Variants in PRSS22 observed in about 807,000 individuals in gnomAD.
PRSS22 encodes serine protease 22, also known as brain-specific serine protease 4.
PRSS22 carries 26 observed loss-of-function variants against 28.0 expected under a neutral mutation model. That is an observed-to-expected ratio of 0.93 (90% CI 0.68 to 1.29). The LOEUF (loss-of-function observed/expected upper bound fraction) is 1.29. PRSS22 is among the 50% of genes most tolerant of loss of function. The pLI is 0.00. For synonymous variants in PRSS22, 217 were observed against 177.9 expected (o/e 1.22, Z -1.75); for missense variants, 444 against 422.1 (o/e 1.05, Z -0.46).
In PRSS22 at chr16:2,856,105, G is replaced by C; in HGVS notation, c.258C>G (p.Ile86Met). ...ACTCCTTGAAACAGTGGGCAGCAGT[G>C]ATCACCCAGCGGCTGGTGAGCAGAG... Reference protein sequence around the residue: ...AGSLLTSRWVITAAHCFKDNL... With the variant: ...AGSLLTSRWVMTAAHCFKDNL... The change falls in exon 3 of 6, where the codon ATC becomes ATG. Residue 86 changes from isoleucine (I) to methionine (M), a missense_variant. Transcript: ENST00000161006. 6.2e-7 allele frequency: 1 copy of C among 1,613,920 alleles called. No homozygotes were observed. Among genetic ancestry groups the C allele is most frequent in the Non-Finnish European group, 8.5e-7 (1 of 1,179,948 alleles).
In PRSS22 at chr16:2,853,048, G is replaced by GCCCC; in HGVS notation, c.*44_*45insGGGG. 1 of 1,329,562 alleles carries GCCCC rather than the reference G, an allele frequency of 7.5e-7. No homozygotes were observed. The highest frequency in any genetic ancestry group is 1.0e-6 in the Non-Finnish European group (1 of 979,726). The allele number at this position is 1,329,562 out of a possible 1,614,324, so 82.4% of individuals were successfully genotyped here. A position where few individuals can be genotyped will look rare whatever the true frequency, so the allele number is the denominator to read the frequency against. On this transcript the variant is annotated 3_prime_UTR_variant, in exon 6 of 6. Transcript: ENST00000161006. This position sits in a 1 kb window ranked among gnomAD's most constrained non-coding sequence, Gnocchi z 4.6. ...CCGCCGCAGATCCAGATCCAGATGT[G>GCCCC]GATCTGGCCGCCTTTCAGATCCGAG...
At position 2,852,882 on chromosome 16, in the gene PRSS22, T is replaced by C. The variant is rs1178831006; in HGVS notation, c.*211A>G. On this transcript the variant is annotated 3_prime_UTR_variant, in exon 6 of 6. Transcript: ENST00000161006. Reference sequence around the variant, plus strand: ...CGTGGGGGCGGGGACATGAGGCCGTTGGGCGGGGCCTGATGCCTTGGAGGC... The same window carrying C: ...CGTGGGGGCGGGGACATGAGGCCGTCGGGCGGGGCCTGATGCCTTGGAGGC... The C allele has an allele frequency of 8.6e-6, 4 of 464,834 alleles. No individual in the cohort carries two copies. The highest frequency in any genetic ancestry group is 1.4e-5 in the Non-Finnish European group (4 of 280,184). The allele number at this position is 464,834 out of a possible 1,614,324, so 28.8% of individuals were successfully genotyped here.
chr16:2,856,103 G>C lies in PRSS22; in HGVS notation c.260C>G (p.Thr87Ser). ...GSLLTSRWVI[T>S]AAHCFKDNLN... ...ATACTCCTTGAAACAGTGGGCAGCA[G>C]TGATCACCCAGCGGCTGGTGAGCAG... Residue 87 changes from threonine (T) to serine (S), a missense_variant, in exon 3 of 6, where the codon ACT becomes AGT. Transcript: ENST00000161006. 1 of 1,613,986 alleles carries C rather than the reference G, an allele frequency of 6.2e-7. No individual in the cohort carries two copies. The highest frequency in any genetic ancestry group is 8.5e-7 in the Non-Finnish European group (1 of 1,179,956).
Position 2,853,372 on chromosome 16 carries a change from G to T in PRSS22, c.718-43C>A, listed in dbSNP as rs183347636. On this transcript the variant is annotated intron_variant, in intron 5 of 5. Transcript: ENST00000161006. This position sits in a 1 kb window ranked among gnomAD's most constrained non-coding sequence, Gnocchi z 4.6. Reference sequence around the variant, plus strand: ...GGTTAGGAACCCCCGTGGCACAGGGGGTGGCAGAATCCAGGGCCCGTGCCC... The same window carrying T: ...GGTTAGGAACCCCCGTGGCACAGGGTGTGGCAGAATCCAGGGCCCGTGCCC... 3,623 of 1,522,092 alleles carry T rather than the reference G, an allele frequency of 2.4e-3. 12 individuals carry two copies. Among genetic ancestry groups the T allele is most frequent in the Non-Finnish European group, 2.9e-3 (3,224 of 1,123,512 alleles). 94.3% of individuals were successfully genotyped at this position (1,522,092 alleles called of 1,614,324 possible).
Position 2,853,094 on chromosome 16 carries a change from T to G in PRSS22, c.953A>C (p.Ter318SerextTer10). 4 of 1,581,980 alleles carry G rather than the reference T, an allele frequency of 2.5e-6. No individual in the cohort carries two copies. Among genetic ancestry groups the G allele is most frequent in the Non-Finnish European group, 3.4e-6 (4 of 1,169,124 alleles). ...SQGSGAAARS[*>S] ...CCGAGCCCCGCGTCCCGCTGCGCCC[T>G]AGGAGCGCGCGGCGGCCCCAGAGCC... Residue 318 changes from the stop codon to serine, a stop_lost, in exon 6 of 6, where the codon TAG becomes TCG. Coordinates refer to ENST00000161006, the MANE Select transcript of PRSS22 (RefSeq NM_022119.4). This position sits in a 1 kb window ranked among gnomAD's most constrained non-coding sequence, Gnocchi z 4.6.
rs1346632473 is a variant in PRSS22, at chr16:2,852,886, C to CGG, written c.*205_*206dup. 1.0e-5 allele frequency: 5 copies of CGG among 493,046 alleles called. No individual in the cohort carries two copies. The African/African-American group carries it at 1.6e-4, about 15-fold the overall frequency. 30.5% of individuals were successfully genotyped at this position (493,046 alleles called of 1,614,324 possible). On this transcript the variant is annotated 3_prime_UTR_variant, in exon 6 of 6. Coordinates refer to ENST00000161006, the MANE Select transcript of PRSS22 (RefSeq NM_022119.4). The stretch of plus-strand genomic sequence containing the variant: ...GGGGCGGGGACATGAGGCCGTTGGG[C>CGG]GGGGCCTGATGCCTTGGAGGCGGGG...
rs762119152 is a variant in PRSS22 at position 2,853,345 on chromosome 16, G to T, written c.718-16C>A. ...CGGAGTCGCCCTGCAGAGAGGAGGC[G>T]AGGTTAGGAACCCCCGTGGCACAGG... On this transcript the variant is annotated splice_polypyrimidine_tract_variant and intron_variant, in intron 5 of 5. Transcript: ENST00000161006. This position sits in a 1 kb window ranked among gnomAD's most constrained non-coding sequence, Gnocchi z 4.6. 8 of 1,583,938 alleles carry T rather than the reference G, an allele frequency of 5.1e-6. No individual in the cohort carries two copies. In the South Asian group the frequency reaches 8.9e-5, roughly 18 times the overall value.
intron 1 of PRSS22, 63 bp from the exon 2 acceptor site, chr16:2,856,911 C>A (rs535245937): frequency 1.3e-6 from 2 of 1,533,658 alleles, no homozygotes; most frequent in Admixed American, 3.9e-5. Context: ...TGGTGAGGGG[C>A]CCTCAACGCC....
intron 1 of PRSS22, 152 bp downstream of exon 1, chr16:2,857,871 G>C (rs1475388495): frequency 3.9e-6 from 2 of 514,706 alleles, no homozygotes; most frequent in Non-Finnish European, 6.0e-6. Flanking sequence ...AGAAGAAACC[G>C]AGGCACAGAG....
At chr16:2,855,018 C>G (rs1373453644) in intron 4 of PRSS22, among the ~76,000 whole-genome samples, 2 of 152,136 alleles carry the variant, frequency 1.3e-5, no homozygotes, top group African/African-American at 2.4e-5. Flanking sequence ...CTTCACGGGT[C>G]TGGCTGTTGC....
chr16:2,852,896 T>G lies in PRSS22; in HGVS notation c.*197A>C, dbSNP rs1051942500. On this transcript the variant is annotated 3_prime_UTR_variant, in exon 6 of 6. Transcript: ENST00000161006. ...CATGAGGCCGTTGGGCGGGGCCTGA[T>G]GCCTTGGAGGCGGGGCCTGAGGCCG... 5.5e-6 allele frequency: 3 copies of G among 548,100 alleles called. No individual in the cohort carries two copies. The highest frequency in any genetic ancestry group is 4.5e-5 in the African/African-American group (2 of 44,692). The allele number at this position is 548,100 out of a possible 1,614,324, so 34.0% of individuals were successfully genotyped here.
Position 2,853,313 on chromosome 16 carries a change from G to C in PRSS22, c.734C>G (p.Pro245Arg), listed in dbSNP as rs2069424326. 3 of 1,597,216 alleles carry C rather than the reference G, an allele frequency of 1.9e-6. No individual in the cohort carries two copies. Among genetic ancestry groups the C allele is most frequent in the Non-Finnish European group, 2.5e-6 (3 of 1,178,834 alleles). The change falls in exon 6 of 6, where the codon CCC becomes CGC. Residue 245 changes from proline (P) to arginine (R), a missense_variant. Physicochemically the swap from Pro to Arg is moderately radical, Grantham distance 103. Transcript: ENST00000161006. This position sits in a 1 kb window ranked among gnomAD's most constrained non-coding sequence, Gnocchi z 4.6. ...RDACLGDSGG[P>R]LMCQVDGAWL... Reference sequence around the variant, plus strand: ...GGCGCCGTCCACCTGGCACATGAGGGGGCCCCCGGAGTCGCCCTGCAGAGA... The same window carrying C: ...GGCGCCGTCCACCTGGCACATGAGGCGGCCCCCGGAGTCGCCCTGCAGAGA...
chr16:2,854,838 A>G (rs2069439752), intron 4 of PRSS22, among the ~76,000 whole-genome samples: 1 of 152,088 alleles, frequency 6.6e-6, no homozygotes, highest in African/African-American at 2.4e-5. Context: ...ATATTTTACA[A>G]TTAAGGTGGC....
At chr16:2,856,369 C>G (rs906618559) in intron 2 of PRSS22, 116 bp from the exon 3 acceptor site, 12 of 1,031,062 alleles carry the variant, frequency 1.2e-5, no homozygotes, top group African/African-American at 1.1e-4. Flanking sequence ...GTTCATGTCC[C>G]CAAGCTCTAC....
In PRSS22 at chr16:2,853,942, G is replaced by A. The variant is rs374950071; in HGVS notation, c.640C>T (p.Arg214Trp). The A allele has an allele frequency of 1.5e-5, 24 of 1,614,044 alleles. No individual in the cohort carries two copies. Among genetic ancestry groups the A allele is most frequent in the African/African-American group, 8.0e-5 (6 of 74,932 alleles). Residue 214 changes from arginine to tryptophan, a missense_variant, in exon 5 of 6, where the codon CGG becomes TGG. Physicochemically the swap from Arg to Trp is moderately radical, Grantham distance 101. Transcript: ENST00000161006. The surrounding 1 kb of genome is among the most constrained non-coding windows in gnomAD (Gnocchi z 4.6). ...DSEVCSHLYW[R>W]GAGQGPITED... Reference sequence around the variant, plus strand: ...GTGATGGGTCCCTGTCCTGCTCCCCGCCAGTACAGATGGCTGCAGACTTCC... The same window carrying A: ...GTGATGGGTCCCTGTCCTGCTCCCCACCAGTACAGATGGCTGCAGACTTCC...
intron 4 of PRSS22, 35 bp from the exon 5 acceptor site, chr16:2,854,057 T>C: frequency 6.2e-7 from 1 of 1,611,434 alleles, no homozygotes; most frequent in Non-Finnish European, 8.5e-7. Context: ...GGTTTGGGGG[T>C]CTCCCCTCCT....
intron 3 of PRSS22, 84 bp downstream of exon 3, chr16:2,855,998 C>T (rs761804000): frequency 1.9e-6 from 3 of 1,544,952 alleles, no homozygotes; most frequent in Non-Finnish European, 1.8e-6. Context: ...GGCCCGGAAG[C>T]AGAGCCTGTA....
intron 1 of PRSS22, chr16:2,857,144 T>G: frequency 4.9e-6 from 2 of 407,010 alleles, no homozygotes; most frequent in Non-Finnish European, 4.3e-6. Context: ...TGAGAAGGGG[T>G]CCAGTGCCCA....
chr16:2,857,096 G>A, intron 1 of PRSS22: 1 of 592,700 alleles, frequency 1.7e-6, no homozygotes, highest in Non-Finnish European at 3.0e-6. Context: ...CAGTGAGGAG[G>A]GTCCCTCAGC....
Sources: gnomAD v4.1 joint callset for allele counts (sites outside exome capture counted in the v4.1 genomes callset) on GRCh38, gnomAD v4.1.1 for gene constraint, Gnocchi (gnomAD v3.1) non-coding constraint, MANE v1.5 for transcripts, NCBI Gene and HGNC (gene_info 2026-07-23, HGNC 2026-07-21) for gene names.